Variants in CHAD observed in about 807,000 individuals in gnomAD.
CHAD encodes the protein cartilage leucine-rich protein.
In CHAD, 18 loss-of-function variants were observed where a neutral mutation model predicts 24.0. That is an observed-to-expected ratio of 0.75 (90% confidence interval 0.52 to 1.11). The LOEUF is 1.11. CHAD is among the 50% of genes most tolerant of loss of function. The probability of loss-of-function intolerance (pLI) is 0.00; values close to 1 mark genes in which losing one functional copy is unlikely to be tolerated. For synonymous variants in CHAD, 195 were observed against 211.6 expected, an observed-to-expected ratio of 0.92 and a Z score of 0.68; for missense variants, 440 against 467.2, an observed-to-expected ratio of 0.94 and a Z score of 0.54.
At chr17:50,466,433 G>A (rs984778608) in intron 1 of CHAD, among the ~76,000 whole-genome samples, 6 of 152,188 alleles carry the variant, frequency 3.9e-5, no homozygotes, top group African/African-American at 9.7e-5. Context: ...CGGAAAAAGC[G>A]CAGTCCTTTG....
chr17:50,464,769 T>TGC lies in CHAD; in HGVS notation c.*284_*285insGC, dbSNP rs781027982. On this transcript the variant is annotated 3_prime_UTR_variant, in exon 4 of 4. Transcript: ENST00000508540. ...CAACCTGTTGTGGTTCTGATTGACT[T>TGC]GGGGGGGGGGTCTCAGCAACAGCTT... The TGC allele has an allele frequency of 2.9e-5, 5 of 170,490 alleles. No individual in the cohort carries two copies. The highest frequency in any genetic ancestry group is 1.6e-4 in the African/African-American group (4 of 24,654). 10.6% of individuals were successfully genotyped at this position (170,490 alleles called of 1,614,324 possible). A position where few individuals can be genotyped will look rare whatever the true frequency, so the allele number is the denominator to read the frequency against.
chr17:50,467,986 G>A, intron 1 of CHAD, 54 bp downstream of exon 1: 1 of 1,505,276 alleles, frequency 6.6e-7, no homozygotes, highest in Non-Finnish European at 8.9e-7. Context: ...TGGCTCCTGG[G>A]GCCTCCAGGA....
At position 50,468,168 on chromosome 17, in the gene CHAD, T is replaced by C; in HGVS notation, c.646A>G (p.Ser216Gly). 6.2e-7 allele frequency: 1 copy of C among 1,614,158 alleles called. No homozygotes were observed. Among genetic ancestry groups the C allele is most frequent in the Non-Finnish European group, 8.5e-7 (1 of 1,180,010 alleles). ...QLSSYPSAAL[S>G]KLRVVEELKL... is the part of the protein sequence containing the mutation. Reference sequence around the variant, plus strand: ...AGCTCCTCCACCACCCGTAGCTTGCTCAGGGCAGCTGAGGGGTAGCTGGAC... The same window carrying C: ...AGCTCCTCCACCACCCGTAGCTTGCCCAGGGCAGCTGAGGGGTAGCTGGAC... Residue 216 changes from serine (S) to glycine (G), a missense_variant, in exon 1 of 4, where the codon AGC (serine) becomes GGC (glycine). Ser to Gly is a moderately conservative substitution (Grantham distance 56). Coordinates refer to ENST00000508540, the MANE Select transcript of CHAD (RefSeq NM_001267.3).
chr17:50,466,073 C>CT (rs10707664), intron 1 of CHAD, among the ~76,000 whole-genome samples: 2,597 of 119,884 alleles, frequency 0.022, 33 homozygotes, highest in African/African-American at 0.036. Context: ...GTGTTATTTT[C>CT]TTTTTTTTTT....
chr17:50,468,470 C>G lies in CHAD; in HGVS notation c.344G>C (p.Arg115Pro), dbSNP rs778972579. The G allele has an allele frequency of 6.2e-7, 1 of 1,614,218 alleles. No homozygotes were observed. Among genetic ancestry groups the G allele is most frequent in the Non-Finnish European group, 8.5e-7 (1 of 1,180,036 alleles). Residue 115 changes from arginine (R) to proline (P), a missense_variant, in exon 1 of 4, where the codon CGC (arginine) becomes CCC (proline). By Grantham distance (103) the Arg-to-Pro change is moderately radical. Transcript: ENST00000508540. The stretch of plus-strand genomic sequence containing the variant: ...GGTCAGGTCGTCGAAGGCACCTGCG[C>G]GCAGCACGCGGATGTCGTTATGGGA... ...YLSHNDIRVL[R>P]AGAFDDLTEL...
chr17:50,464,775 G>T lies in CHAD; in HGVS notation c.*279C>A, dbSNP rs559060672. On this transcript the variant is annotated 3_prime_UTR_variant, in exon 4 of 4. Coordinates refer to ENST00000508540, the MANE Select transcript of CHAD (RefSeq NM_001267.3). ...GTTGTGGTTCTGATTGACTTGGGGG[G>T]GGGGTCTCAGCAACAGCTTCTCCAA... The T allele has an allele frequency of 1.4e-4, 45 of 332,214 alleles. 4 individuals are homozygous for T. The highest frequency in any genetic ancestry group is 1.1e-3 in the Middle Eastern group (1 of 896). The allele number at this position is 332,214 out of a possible 1,614,324, so 20.6% of individuals were successfully genotyped here. A position where few individuals can be genotyped will look rare whatever the true frequency, so the allele number is the denominator to read the frequency against.
At position 50,464,773 on chromosome 17, in the gene CHAD, G is replaced by C. The variant is rs1445944035; in HGVS notation, c.*281C>G. On this transcript the variant is annotated 3_prime_UTR_variant, in exon 4 of 4. Coordinates refer to ENST00000508540, the MANE Select transcript of CHAD (RefSeq NM_001267.3). Reference sequence around the variant, plus strand: ...CTGTTGTGGTTCTGATTGACTTGGGGGGGGGGTCTCAGCAACAGCTTCTCC... The same window carrying C: ...CTGTTGTGGTTCTGATTGACTTGGGCGGGGGGTCTCAGCAACAGCTTCTCC... The C allele has an allele frequency of 6.0e-6, 2 of 333,514 alleles. No individual in the cohort carries two copies. The highest frequency in any genetic ancestry group is 1.2e-5 in the Non-Finnish European group (2 of 169,910). 20.7% of individuals were successfully genotyped at this position (333,514 alleles called of 1,614,324 possible).
At position 50,468,409 on chromosome 17, in the gene CHAD, G is replaced by T; in HGVS notation, c.405C>A (p.Val135=). The T allele has an allele frequency of 2.5e-6, 4 of 1,614,178 alleles. No homozygotes were observed. The South Asian group carries it at 4.4e-5, about 18-fold the overall frequency. Residue 135 remains valine (V), a synonymous_variant, in exon 1 of 4, where the codon GTC becomes GTA. Coordinates refer to ENST00000508540, the MANE Select transcript of CHAD (RefSeq NM_001267.3). The stretch of plus-strand genomic sequence containing the variant: ...AGAGCAACCCCCGGGGCAGCTCAGT[G>T]ACCTTGTTGTGGTCCAGGTAGAGGT... ...LTYLYLDHNK[V]TELPRGLLSP... is the part of the protein sequence containing the mutation.
chr17:50,465,715 G>C lies in CHAD; in HGVS notation c.930C>G (p.Gly310=). Residue 310 remains glycine (G), a synonymous_variant, in exon 2 of 4, where the codon GGC becomes GGG. Transcript: ENST00000508540. The stretch of plus-strand genomic sequence containing the variant: ...CATGGAAGTGTTCTTACCGCCGAAG[G>C]CCCCGGAGCTGGCAGGTACACTTCC... ...NPWKCTCQLR[G]LRRWLEAKAS... 5 of 1,613,518 alleles carry C rather than the reference G, an allele frequency of 3.1e-6. No individual in the cohort carries two copies. Among genetic ancestry groups the C allele is most frequent in the Non-Finnish European group, 4.2e-6 (5 of 1,179,900 alleles).
At chr17:50,466,003 A>G (rs768176462) in intron 1 of CHAD, 133 bp from the exon 2 acceptor site, 15 of 905,444 alleles carry the variant, frequency 1.7e-5, no homozygotes, top group Non-Finnish European at 2.6e-5. Context: ...CAGTTTTCAA[A>G]GCAGTATGAC....
At chr17:50,465,211 C>T in intron 3 of CHAD, 83 bp downstream of exon 3, 2 of 1,543,374 alleles carry the variant, frequency 1.3e-6, no homozygotes. Context: ...CCCTCCAGGG[C>T]CAGGGGGTAT....
chr17:50,467,954 G>C (rs1181823107), intron 1 of CHAD, 86 bp downstream of exon 1: 19 of 1,402,430 alleles, frequency 1.4e-5, no homozygotes, highest in Non-Finnish European at 2.9e-6. Flanking sequence ...CTGGGGACGG[G>C]GGATGGTGCC....
rs191492703 is a variant in CHAD at position 50,464,708 on chromosome 17, G to A, written c.*346C>T. On this transcript the variant is annotated 3_prime_UTR_variant, in exon 4 of 4. Transcript: ENST00000508540. The stretch of plus-strand genomic sequence containing the variant: ...ACGTGGCAGGGAAAGAGGAACAGAG[G>A]AAGGATGATCCTGGGAGGGTGGCCA... 205 of 434,330 alleles carry A rather than the reference G, an allele frequency of 4.7e-4. 1 individual carries two copies. Among genetic ancestry groups the A allele is most frequent in the Admixed American group, 2.2e-3 (88 of 40,240 alleles). The allele number at this position is 434,330 out of a possible 1,614,324, so 26.9% of individuals were successfully genotyped here.
At chr17:50,465,649 C>G in intron 2 of CHAD, 58 bp downstream of exon 2, 1 of 1,594,406 alleles carries the variant, frequency 6.3e-7, no homozygotes, top group Non-Finnish European at 8.6e-7. Flanking sequence ...TAGTGCAGGG[C>G]TAATGTGCCT....
chr17:50,467,563 C>A (rs1041752021), intron 1 of CHAD, among the ~76,000 whole-genome samples: 2 of 152,188 alleles, frequency 1.3e-5, no homozygotes, highest in African/African-American at 4.8e-5. Flanking sequence ...TCCCCCTTAG[C>A]ACACATGCAC....
intron 1 of CHAD, among the ~76,000 whole-genome samples, chr17:50,466,891 C>T (rs754567128): frequency 6.6e-6 from 1 of 152,218 alleles, no homozygotes; most frequent in Non-Finnish European, 1.5e-5. Flanking sequence ...CAGGGGACTC[C>T]AACTTCAGCT....
rs769762943 is a variant in CHAD at position 50,465,873 on chromosome 17, GGGGAGCAAGGT to G, written c.775-14_775-4del. 183 of 1,613,670 alleles carry G rather than the reference GGGGAGCAAGGT, an allele frequency of 1.1e-4. No homozygotes were observed. Among genetic ancestry groups the G allele is most frequent in the Middle Eastern group, 5.0e-4 (3 of 6,060 alleles). Reference sequence around the variant, plus strand: ...CCCAGGAAGGCACCATCTGAGAACTGGGGAGCAAGGTGGGAGCAAGGTGGGAGCAAGGTGGT... The same window carrying G: ...CCCAGGAAGGCACCATCTGAGAACTGGGGAGCAAGGTGGGAGCAAGGTGGT... On this transcript the variant is annotated splice_region_variant and splice_polypyrimidine_tract_variant and intron_variant, in intron 1 of 3. Transcript: ENST00000508540.
chr17:50,465,625 T>C (rs2032654010), intron 2 of CHAD, 82 bp downstream of exon 2: 1 of 1,544,760 alleles, frequency 6.5e-7, no homozygotes, highest in African/African-American at 1.4e-5. Flanking sequence ...CTAGGATGCA[T>C]GTCCAACATG....
Position 50,464,779 on chromosome 17 carries a change from G to T in CHAD, c.*275C>A, listed in dbSNP as rs75281762. On this transcript the variant is annotated 3_prime_UTR_variant, in exon 4 of 4. Coordinates refer to ENST00000508540, the MANE Select transcript of CHAD (RefSeq NM_001267.3). ...TGGTTCTGATTGACTTGGGGGGGGG[G>T]TCTCAGCAACAGCTTCTCCAAGAGG... 2.7e-5 allele frequency: 7 copies of T among 259,832 alleles called. No homozygotes were observed. Among genetic ancestry groups the T allele is most frequent in the East Asian group, 1.8e-4 (2 of 11,076 alleles). 16.1% of individuals were successfully genotyped at this position (259,832 alleles called of 1,614,324 possible). A position where few individuals can be genotyped will look rare whatever the true frequency, so the allele number is the denominator to read the frequency against.
Sources: gnomAD v4.1 joint callset for allele counts (sites outside exome capture counted in the v4.1 genomes callset) on GRCh38, gnomAD v4.1.1 for gene constraint, MANE v1.5 for transcripts, NCBI Gene and HGNC (gene_info 2026-07-23, HGNC 2026-07-21) for gene names.